PCDHA4: variants seen among roughly 807,000 people sequenced by gnomAD.
PCDHA4 encodes protocadherin alpha-4.
Under a neutral mutation model 61.4 loss-of-function variants are expected in PCDHA4, and 49 were observed. That is an observed-to-expected ratio of 0.80 (90% CI 0.63 to 1.01). The LOEUF (loss-of-function observed/expected upper bound fraction) is 1.01. Ranked by LOEUF, PCDHA4 falls within the 50% of genes least tolerant of loss-of-function variation. PCDHA4 has a pLI of 0.00. For missense variants in PCDHA4, 1,254 were observed against 1,235.8 expected, an observed-to-expected ratio of 1.01 and a Z score of -0.22; for synonymous variants, 590 against 550.3, an observed-to-expected ratio of 1.07 and a Z score of -1.01.
chr5:140,834,810 G>C (rs2150227216), intron 1 of PCDHA4: 6 of 1,612,624 alleles, frequency 3.7e-6, no homozygotes, highest in South Asian at 1.1e-5. Flanking sequence ...TCTGTTCATC[G>C]CGGAATCCAG....
intron 1 of PCDHA4, chr5:140,868,630 T>G (rs1440809892): frequency 6.5e-6 from 1 of 154,578 alleles, no homozygotes; most frequent in Non-Finnish European, 1.4e-5. Context: ...CTGAATTCTC[T>G]TTCTCTCTCA....
chr5:140,824,610 G>GTTTGTTTTT (rs1768197195), intron 1 of PCDHA4: 1 of 95,104 alleles, frequency 1.1e-5, no homozygotes, highest in Non-Finnish European at 1.9e-5. Context: ...GCTAATTAAA[G>GTTTGTTTTT]TTTTTTTTTT....
chr5:140,915,771 G>T (rs1351294387), intron 1 of PCDHA4, among the ~76,000 whole-genome samples: 1 of 151,922 alleles, frequency 6.6e-6, no homozygotes, highest in Non-Finnish European at 1.5e-5. Flanking sequence ...TCTTGTCCAA[G>T]GCCTGCTGTA....
At chr5:140,822,091 G>T in intron 1 of PCDHA4, 1 of 1,614,242 alleles carries the variant, frequency 6.2e-7, no homozygotes, top group Non-Finnish European at 8.5e-7. Context: ...CATCCACCTG[G>T]AGGTGATCGT....
intron 1 of PCDHA4, chr5:140,884,038 G>A (rs1554181095): frequency 6.2e-7 from 1 of 1,613,432 alleles, no homozygotes; most frequent in South Asian, 1.1e-5. Context: ...CAGGCCACGT[G>A]GTGGCGAAGG....
chr5:140,965,796 A>AT (rs1377584212), intron 1 of PCDHA4, among the ~76,000 whole-genome samples: 2 of 152,134 alleles, frequency 1.3e-5, no homozygotes, highest in Non-Finnish European at 2.9e-5. Flanking sequence ...CATGGAGACT[A>AT]TTTTTTTAAA....
At chr5:140,828,922 T>G (rs1770031528) in intron 1 of PCDHA4, 3 of 1,614,078 alleles carry the variant, frequency 1.9e-6, no homozygotes, top group African/African-American at 2.7e-5. Context: ...ATGGGGCAAT[T>G]TCATATTCTT....
chr5:140,927,031 GC>G, intron 1 of PCDHA4: 6 of 1,612,410 alleles, frequency 3.7e-6, no homozygotes, highest in Non-Finnish European at 5.1e-6. Flanking sequence ...GAGGCTGCCA[GC>G]GGCCGCTATG....
intron 3 of PCDHA4, among the ~76,000 whole-genome samples, chr5:141,005,795 C>G (rs2098239997): frequency 8.0e-6 from 1 of 124,778 alleles, no homozygotes; most frequent in Admixed American, 8.1e-5. Context: ...GAGGCAAAAA[C>G]AACTCCAAGG....
intron 3 of PCDHA4, among the ~76,000 whole-genome samples, chr5:141,008,816 C>T (rs2098391999): frequency 6.6e-6 from 1 of 152,190 alleles, no homozygotes; most frequent in African/African-American, 2.4e-5. Context: ...GCTCAATTTA[C>T]AACAGGATTC....
chr5:140,841,513 C>G (rs2150316967), intron 1 of PCDHA4: 142,793 of 1,613,040 alleles, frequency 0.089, 1,768 homozygotes, highest in Non-Finnish European at 0.097. Flanking sequence ...CGCGCCTGTT[C>G]CGGGTGGCGT....
chr5:140,884,395 C>A, intron 1 of PCDHA4: 1 of 1,614,000 alleles, frequency 6.2e-7, no homozygotes, highest in Non-Finnish European at 8.5e-7. Flanking sequence ...CGGTGTCCAG[C>A]CTGTTGGTGC....
intron 3 of PCDHA4, among the ~76,000 whole-genome samples, chr5:140,999,978 G>A (rs980753359): frequency 5.9e-5 from 9 of 151,942 alleles, no homozygotes; most frequent in South Asian, 2.1e-4. Flanking sequence ...CAGCTCTAGC[G>A]GCCTCTGGGT....
At chr5:140,929,376 G>C in intron 1 of PCDHA4, 1 of 1,513,958 alleles carries the variant, frequency 6.6e-7, no homozygotes, top group Non-Finnish European at 8.8e-7. Flanking sequence ...ATGGCTGCTA[G>C]CTGTGTTTTG....
chr5:140,990,649 T>C (rs1465284882), intron 3 of PCDHA4, among the ~76,000 whole-genome samples: 1 of 152,212 alleles, frequency 6.6e-6, no homozygotes, highest in African/African-American at 2.4e-5. Context: ...TCAGCCAGTA[T>C]GAATGATTTA....
At chr5:140,827,578 T>C (rs1769338145) in intron 1 of PCDHA4, among the ~76,000 whole-genome samples, 1 of 152,224 alleles carries the variant, frequency 6.6e-6, no homozygotes, top group African/African-American at 2.4e-5. Context: ...TATAATAGCA[T>C]GTCCTAGGAA....
In PCDHA4 at chr5:140,987,224, A is replaced by AAT. The variant is rs1554248891; in HGVS notation, c.2533+4662_2533+4663insTA. Among the ~76,000 whole-genome samples, 91 of 152,046 alleles carry AAT rather than the reference A, an allele frequency of 6.0e-4. 1 individual carries two copies. Among genetic ancestry groups the AAT allele is most frequent in the African/African-American group, 2.0e-3 (84 of 41,424 alleles). ...GTGAGACTCCATCTCAAAAAAAAAA[A>AAT]AAATAATAAATAAAGAAAGAAAGAC... On this transcript the variant is annotated intron_variant, in intron 3 of 3. Coordinates refer to ENST00000530339, the MANE Select transcript of PCDHA4 (RefSeq NM_018907.4).
At chr5:140,857,196 A>G in intron 1 of PCDHA4, 1 of 1,598,586 alleles carries the variant, frequency 6.3e-7, no homozygotes, top group Non-Finnish European at 8.6e-7. Flanking sequence ...GCCAACGGAC[A>G]GGTCACCTGC....
chr5:140,889,766 A>T (rs2062380294), intron 1 of PCDHA4, among the ~76,000 whole-genome samples: 1 of 152,064 alleles, frequency 6.6e-6, no homozygotes, highest in Non-Finnish European at 1.5e-5. Flanking sequence ...TTGAACTTTG[A>T]CTGGTCTTAA....
Sources: gnomAD v4.1 joint callset for allele counts (sites outside exome capture counted in the v4.1 genomes callset) on GRCh38, gnomAD v4.1.1 for gene constraint, MANE v1.5 for transcripts, NCBI Gene and HGNC (gene_info 2026-07-23, HGNC 2026-07-21) for gene names.